The following ITSN1 variants were observed in gnomAD, a reference collection of about 807,000 sequenced individuals.
ITSN1 encodes intersectin 1, also known as intersectin-1.
In ITSN1, 58 loss-of-function variants were observed where a neutral mutation model predicts 239.8. That is an observed-to-expected ratio of 0.24 (90% CI 0.20 to 0.30). The LOEUF is 0.30. Ranked by LOEUF, ITSN1 falls within the 10% of genes least tolerant of loss-of-function variation. The pLI is 1.00. For synonymous variants in ITSN1, 780 were observed against 770.8 expected, an observed-to-expected ratio of 1.01 and a Z score of -0.20; for missense variants, 1,558 against 2,103.3, an observed-to-expected ratio of 0.74 and a Z score of 5.07.
At chr21:33,802,486 A>G (rs2148094601) in intron 20 of ITSN1, 42 bp downstream of exon 20, 16 of 1,605,656 alleles carry the variant, frequency 1.0e-5, no homozygotes, top group African/African-American at 1.3e-5. Flanking sequence ...ATCTTATTCA[A>G]TGTTTTGTCC....
intron 1 of ITSN1, among the ~76,000 whole-genome samples, chr21:33,677,798 G>A (rs1239565020): frequency 2.0e-5 from 3 of 152,136 alleles, no homozygotes; most frequent in Non-Finnish European, 4.4e-5. Context: ...ACTCCATCAT[G>A]AAGTCTTGTA....
chr21:33,868,319 A>C (rs1291788968), intron 33 of ITSN1, among the ~76,000 whole-genome samples: 1 of 152,006 alleles, frequency 6.6e-6, no homozygotes, highest in Non-Finnish European at 1.5e-5. Context: ...ATGCACTCGC[A>C]CTCCTCAGGC....
chr21:33,750,057 T>G lies in ITSN1; in HGVS notation c.347-86T>G, dbSNP rs866713830. On this transcript the variant is annotated intron_variant, in intron 5 of 39. Transcript: ENST00000381318. ...GAATATATTACAGCTGGAAAGTGAT[T>G]TTCTTTAAGCAGTACTGGGTTAATT... The G allele has an allele frequency of 1.1e-4, 135 of 1,248,714 alleles. 1 individual carries two copies. The Middle Eastern group carries it at 2.8e-3, about 26-fold the overall frequency. The allele number at this position is 1,248,714 out of a possible 1,614,324, so 77.4% of individuals were successfully genotyped here. A position where few individuals can be genotyped will look rare whatever the true frequency, so the allele number is the denominator to read the frequency against.
At chr21:33,658,494 T>C (rs116466634) in intron 1 of ITSN1, among the ~76,000 whole-genome samples, 1 of 152,222 alleles carries the variant, frequency 6.6e-6, no homozygotes, top group African/African-American at 2.4e-5. Context: ...AACACAAGTA[T>C]TTACAGTGGT....
At chr21:33,716,925 G>C (rs1415240630) in intron 1 of ITSN1, among the ~76,000 whole-genome samples, 5 of 147,196 alleles carry the variant, frequency 3.4e-5, no homozygotes, top group African/African-American at 1.0e-4. Context: ...AACAAAGCAA[G>C]ACTCCGTCTC....
At chr21:33,694,050 T>G (rs2091681362) in intron 1 of ITSN1, among the ~76,000 whole-genome samples, 1 of 152,110 alleles carries the variant, frequency 6.6e-6, no homozygotes, top group Non-Finnish European at 1.5e-5. Flanking sequence ...GTCTTGCTCT[T>G]TTGCTCAGGC....
chr21:33,676,036 G>GTT (rs1008484292), intron 1 of ITSN1, among the ~76,000 whole-genome samples: 3 of 142,070 alleles, frequency 2.1e-5, no homozygotes, highest in East Asian at 2.1e-4. Context: ...CCTTTTTTTT[G>GTT]TTTTTTTTTT....
intron 1 of ITSN1, among the ~76,000 whole-genome samples, chr21:33,702,382 G>A (rs1029681411): frequency 2.0e-5 from 3 of 152,120 alleles, no homozygotes; most frequent in African/African-American, 2.4e-5. Flanking sequence ...CTCCCAAAGT[G>A]CTGGGTTTAC....
At chr21:33,811,668 G>A (rs1198580210) in intron 21 of ITSN1, among the ~76,000 whole-genome samples, 1 of 152,164 alleles carries the variant, frequency 6.6e-6, no homozygotes, top group East Asian at 1.9e-4. Flanking sequence ...TTCCTTTAAA[G>A]CTTTCCACTT....
chr21:33,828,787 G>T (rs896466688), intron 26 of ITSN1, among the ~76,000 whole-genome samples: 1 of 152,162 alleles, frequency 6.6e-6, no homozygotes, highest in African/African-American at 2.4e-5. Flanking sequence ...GCAGAGAAGG[G>T]TTCTGTCTCT....
In ITSN1 at chr21:33,646,129, A is replaced by G. The variant is rs550838288; in HGVS notation, c.-33+3416A>G. 1.1e-4 allele frequency among the ~76,000 whole-genome samples: 16 copies of G among 152,298 alleles called. 1 individual carries two copies. In the South Asian group the frequency reaches 3.1e-3, roughly 30 times the overall value. On this transcript the variant is annotated intron_variant, in intron 1 of 39. Transcript: ENST00000381318. ...GGCATATTAAAGCCCAGCATATTAC[A>G]AAAAAATTTTTTTTAGTAGTCACTG...
chr21:33,787,769 G>C (rs370355832), intron 16 of ITSN1, among the ~76,000 whole-genome samples: 19 of 152,340 alleles, frequency 1.2e-4, no homozygotes, highest in Admixed American at 6.5e-4. Flanking sequence ...GACAGTGAGA[G>C]AAATCAGTAT....
intron 5 of ITSN1, among the ~76,000 whole-genome samples, chr21:33,737,409 C>T (rs1178163632): frequency 1.3e-5 from 2 of 152,122 alleles, no homozygotes; most frequent in Non-Finnish European, 2.9e-5. Flanking sequence ...TGAAGGATAT[C>T]AGAACATAGG....
At chr21:33,711,652 T>TTG (rs58696981) in intron 1 of ITSN1, among the ~76,000 whole-genome samples, 5,710 of 134,768 alleles carry the variant, frequency 0.042, 136 homozygotes, top group Middle Eastern at 0.099. Context: ...TTTCTGTGTG[T>TTG]TGTGTGTGTG....
intron 23 of ITSN1, 146 bp downstream of exon 23, chr21:33,818,618 G>A (rs943822778): frequency 8.8e-6 from 6 of 685,530 alleles, no homozygotes; most frequent in Non-Finnish European, 1.5e-5. Context: ...AGTATATAGA[G>A]TACCAAAAGG....
chr21:33,755,668 A>G (rs2067856290), intron 8 of ITSN1, among the ~76,000 whole-genome samples: 1 of 152,204 alleles, frequency 6.6e-6, no homozygotes, highest in Non-Finnish European at 1.5e-5. Flanking sequence ...GGCACTAGCA[A>G]AGAAACACTT....
At chr21:33,820,226 A>G (rs540990601) in intron 24 of ITSN1, among the ~76,000 whole-genome samples, 179 of 152,294 alleles carry the variant, frequency 1.2e-3, no homozygotes, top group Non-Finnish European at 2.0e-3. Context: ...TAAATATTGT[A>G]TGGATGCCAA....
chr21:33,872,724 G>A (rs1181228414), intron 33 of ITSN1, among the ~76,000 whole-genome samples: 2 of 152,062 alleles, frequency 1.3e-5, no homozygotes, highest in African/African-American at 4.8e-5. Context: ...TGGAGACGGG[G>A]TTTGACCATG....
chr21:33,858,382 G>A (rs1352440646), intron 30 of ITSN1, among the ~76,000 whole-genome samples: 2 of 152,230 alleles, frequency 1.3e-5, no homozygotes, highest in East Asian at 1.9e-4. Flanking sequence ...CTTAGCCTGC[G>A]TGCATGACTT....
Sources: gnomAD v4.1 joint callset for allele counts (sites outside exome capture counted in the v4.1 genomes callset) on GRCh38, gnomAD v4.1.1 for gene constraint, MANE v1.5 for transcripts, NCBI Gene and HGNC (gene_info 2026-07-23, HGNC 2026-07-21) for gene names.